ROBO1: variants seen among roughly 807,000 people sequenced by gnomAD.
ROBO1 encodes the protein roundabout guidance receptor 1, also known as roundabout homolog 1.
ROBO1 carries 149 observed loss-of-function variants against 195.9 expected under a neutral mutation model. The ratio of observed to expected loss-of-function variants is 0.76; its 90% CI spans 0.67 to 0.87. ROBO1 has a LOEUF of 0.87. Among genes scored for constraint, ROBO1 ranks in the 40% least tolerant of loss-of-function variants. The pLI, the probability that ROBO1 is intolerant of heterozygous loss-of-function variation, is 0.00. For synonymous variants in ROBO1, 816 were observed against 733.2 expected, an observed-to-expected ratio of 1.11 and a Z score of -1.82; for missense variants, 1,933 against 2,068.3, an observed-to-expected ratio of 0.93 and a Z score of 1.27.
intron 2 of ROBO1, among the ~76,000 whole-genome samples, chr3:79,335,656 C>A (rs2034635747): frequency 6.6e-6 from 1 of 152,104 alleles, no homozygotes; most frequent in South Asian, 2.1e-4. Context: ...TACCCAGTCT[C>A]CAGCAGCTCT....
chr3:79,204,139 C>A (rs1299427098), intron 2 of ROBO1, among the ~76,000 whole-genome samples: 1 of 152,030 alleles, frequency 6.6e-6, no homozygotes, highest in Non-Finnish European at 1.5e-5. Flanking sequence ...ATTTTGATAC[C>A]TGTATACAAT....
At chr3:78,689,054 G>T (rs1419177821) in intron 8 of ROBO1, among the ~76,000 whole-genome samples, 1 of 152,128 alleles carries the variant, frequency 6.6e-6, no homozygotes, top group Non-Finnish European at 1.5e-5. Context: ...CCTACACATT[G>T]TAAATATACC....
At chr3:78,930,751 A>T (rs1292612251) in intron 4 of ROBO1, among the ~76,000 whole-genome samples, 1 of 152,182 alleles carries the variant, frequency 6.6e-6, no homozygotes, top group Non-Finnish European at 1.5e-5. Context: ...CCAGCTTCAA[A>T]CTATCAACAT....
chr3:79,334,798 T>G (rs2034598517), intron 2 of ROBO1, among the ~76,000 whole-genome samples: 1 of 152,070 alleles, frequency 6.6e-6, no homozygotes, highest in African/African-American at 2.4e-5. Flanking sequence ...GGATCTGCTT[T>G]TATAAGTTAA....
At chr3:79,441,053 A>G (rs2039039115) in intron 2 of ROBO1, among the ~76,000 whole-genome samples, 1 of 152,200 alleles carries the variant, frequency 6.6e-6, no homozygotes, top group South Asian at 2.1e-4. Flanking sequence ...TTATTTTTTT[A>G]TTGTTATCCA....
chr3:79,603,486 T>C (rs1272879605), intron 1 of ROBO1, among the ~76,000 whole-genome samples: 1 of 151,926 alleles, frequency 6.6e-6, no homozygotes, highest in African/African-American at 2.4e-5. Context: ...TCCTGAGATG[T>C]GAGTATATGT....
At chr3:79,469,133 G>A (rs139642815) in intron 2 of ROBO1, among the ~76,000 whole-genome samples, 32 of 152,090 alleles carry the variant, frequency 2.1e-4, no homozygotes, top group African/African-American at 7.7e-4. Context: ...AATATCTCTT[G>A]GAAAATAATG....
chr3:79,295,186 C>G (rs1252478482), intron 2 of ROBO1, among the ~76,000 whole-genome samples: 1 of 152,068 alleles, frequency 6.6e-6, no homozygotes, highest in Non-Finnish European at 1.5e-5. Context: ...TAGCAAATAC[C>G]TGGAACCAAC....
chr3:79,194,256 C>T (rs2081591213), intron 2 of ROBO1, among the ~76,000 whole-genome samples: 1 of 151,648 alleles, frequency 6.6e-6, no homozygotes, highest in South Asian at 2.1e-4. Context: ...AGTAACCTCT[C>T]TTGTTAGCAA....
chr3:79,232,049 T>A (rs1213636667), intron 2 of ROBO1, among the ~76,000 whole-genome samples: 1 of 151,868 alleles, frequency 6.6e-6, no homozygotes, highest in East Asian at 1.9e-4. Flanking sequence ...AGGGGCCTAT[T>A]GGAGGGTAGA....
At chr3:78,970,085 C>G (rs1320490088) in intron 3 of ROBO1, among the ~76,000 whole-genome samples, 1 of 151,856 alleles carries the variant, frequency 6.6e-6, no homozygotes, top group Non-Finnish European at 1.5e-5. Flanking sequence ...AATGAGAGGA[C>G]AGAGGAGCCA....
intron 1 of ROBO1, among the ~76,000 whole-genome samples, chr3:79,691,647 A>G (rs1285225793): frequency 2.6e-5 from 4 of 151,784 alleles, no homozygotes; most frequent in Non-Finnish European, 4.4e-5. Context: ...AAATGTAAGT[A>G]TTTGGGAATT....
intron 4 of ROBO1, among the ~76,000 whole-genome samples, chr3:78,853,539 T>C (rs1029424012): frequency 2.0e-5 from 3 of 151,810 alleles, no homozygotes; most frequent in East Asian, 1.9e-4. Flanking sequence ...GGCTGGGCTA[T>C]GGTACCCAGT....
At chr3:79,589,432 A>G (rs969872043) in intron 2 of ROBO1, among the ~76,000 whole-genome samples, 3 of 151,732 alleles carry the variant, frequency 2.0e-5, no homozygotes, top group Non-Finnish European at 4.4e-5. Flanking sequence ...TCAGTTTTCA[A>G]TGTTTCACTT....
At chr3:79,506,318 C>T (rs995543264) in intron 2 of ROBO1, among the ~76,000 whole-genome samples, 1 of 151,850 alleles carries the variant, frequency 6.6e-6, no homozygotes, top group East Asian at 1.9e-4. Flanking sequence ...TAACCAGCAA[C>T]GGGGTGAATA....
chr3:79,551,998 A>T (rs1355775323), intron 2 of ROBO1, among the ~76,000 whole-genome samples: 1 of 137,180 alleles, frequency 7.3e-6, no homozygotes, highest in African/African-American at 2.9e-5. Context: ...AAAAAAAAAA[A>T]AAAAAAAAAA....
chr3:79,562,974 G>T (rs994803140), intron 2 of ROBO1, among the ~76,000 whole-genome samples: 1 of 151,016 alleles, frequency 6.6e-6, no homozygotes, highest in African/African-American at 2.5e-5. Context: ...AAATAACAAA[G>T]TTATAAAAAT....
At chr3:79,518,265 A>G (rs956724246) in intron 2 of ROBO1, among the ~76,000 whole-genome samples, 2 of 152,134 alleles carry the variant, frequency 1.3e-5, no homozygotes, top group African/African-American at 4.8e-5. Flanking sequence ...CAGATTTGGG[A>G]GAAAAAAATG....
intron 2 of ROBO1, among the ~76,000 whole-genome samples, chr3:79,338,055 A>T (rs1421348117): frequency 2.0e-5 from 3 of 152,208 alleles, no homozygotes; most frequent in South Asian, 2.1e-4. Flanking sequence ...GGTCAAAATC[A>T]ATTCTAATTA....
Sources: allele counts gnomAD v4.1 joint callset (sites outside exome capture counted in the v4.1 genomes callset), GRCh38; gene constraint gnomAD v4.1.1; transcripts MANE v1.5; gene names NCBI Gene and HGNC (gene_info 2026-07-23, HGNC 2026-07-21).